PHF6: variants seen among roughly 807,000 people sequenced by gnomAD.
PHF6 encodes the protein PHD-like zinc finger protein.
In PHF6, 7 loss-of-function variants were observed where a neutral mutation model predicts 34.0. The ratio of observed to expected loss-of-function variants is 0.21; its 90% CI spans 0.12 to 0.39. The LOEUF (loss-of-function observed/expected upper bound fraction) is 0.39, where lower values mean the gene tolerates loss of function less well. Among genes scored for constraint, PHF6 ranks in the 10% least tolerant of loss-of-function variants. The pLI is 1.00. For missense variants in PHF6, 128 were observed against 262.8 expected, an observed-to-expected ratio of 0.49 and a Z score of 3.55; for synonymous variants, 89 against 88.4, an observed-to-expected ratio of 1.01 and a Z score of -0.04.
intron 5 of PHF6, among the ~76,000 whole-genome samples, chrX:134,398,107 A>G (rs1194767764): frequency 8.9e-6 from 1 of 111,964 alleles, no homozygotes; most frequent in Non-Finnish European, 1.9e-5. Flanking sequence ...TAAAAGATAG[A>G]TAGAGGCAGG....
chrX:134,385,863 G>T (rs1261296637), intron 3 of PHF6, among the ~76,000 whole-genome samples: 2 of 111,384 alleles, frequency 1.8e-5, no homozygotes, highest in South Asian at 3.8e-4. Context: ...ATTTGTCAAG[G>T]CCCCATATAG....
At chrX:134,406,106 CTTTCTTTTT>C (rs2077423495) in intron 5 of PHF6, among the ~76,000 whole-genome samples, 1 of 83,275 alleles carries the variant, frequency 1.2e-5, no homozygotes, top group African/African-American at 5.7e-5. Context: ...TTCTTTCTTT[CTTTCTTTTT>C]TTTTTTACTC....
rs1322013526 is a variant in PHF6, at chrX:134,417,867, C to CA, written c.968+575dup. 2.5e-3 allele frequency: 266 copies of CA among 105,029 alleles called. 1 individual carries two copies. Among genetic ancestry groups the CA allele is most frequent in the Admixed American group, 5.4e-3 (53 of 9,808 alleles). The allele number at this position is 105,029 out of a possible 1,213,427, so 8.7% of individuals were successfully genotyped here. ...AGAGTGAAATTCCATCTCAAACAAA[C>CA]AAAAAAAAAACACTACATATACTCT... On this transcript the variant is annotated intron_variant, in intron 9 of 10. Transcript: ENST00000370803.
intron 5 of PHF6, among the ~76,000 whole-genome samples, chrX:134,396,519 C>A (rs373775718): frequency 1.8e-5 from 2 of 111,216 alleles, no homozygotes; most frequent in African/African-American, 6.5e-5. Context: ...CTGTAACTGG[C>A]AGCATTATTA....
rs750902043 is a variant in PHF6, at chrX:134,427,036, G to A, written c.*1376G>A. 6.3e-6 allele frequency: 1 copy of A among 158,591 alleles called. No homozygotes were observed. Among genetic ancestry groups the A allele is most frequent in the South Asian group, 3.6e-4 (1 of 2,782 alleles). 13.1% of individuals were successfully genotyped at this position (158,591 alleles called of 1,213,427 possible). A position where few individuals can be genotyped will look rare whatever the true frequency, so the allele number is the denominator to read the frequency against. On this transcript the variant is annotated 3_prime_UTR_variant, in exon 11 of 11. Transcript: ENST00000370803. ...CAGCATTTTAAAAATGTAACAGGTG[G>A]AAAATTACACTGTGCTTAATGACTG... is the stretch of plus-strand genomic sequence containing the variant.
intron 9 of PHF6, among the ~76,000 whole-genome samples, 185 bp from the exon 10 acceptor site, chrX:134,425,016 A>C (rs1271023525): frequency 3.6e-5 from 4 of 111,718 alleles, no homozygotes; most frequent in African/African-American, 6.5e-5. Context: ...TTATTATCTC[A>C]ATAATAGTGT....
chrX:134,419,524 T>C (rs940007599), intron 9 of PHF6: 16 of 111,750 alleles, frequency 1.4e-4, no homozygotes, highest in African/African-American at 4.9e-4. Flanking sequence ...AAGTAACGAG[T>C]GCTCTTGGTA....
chrX:134,398,711 G>A (rs753041547), intron 5 of PHF6, among the ~76,000 whole-genome samples: 9 of 111,828 alleles, frequency 8.0e-5, no homozygotes, highest in Admixed American at 1.9e-4. Flanking sequence ...GGTTTCTGGC[G>A]TATCCAAATG....
chrX:134,385,643 CCT>C (rs1457880495), intron 3 of PHF6, among the ~76,000 whole-genome samples: 2 of 111,995 alleles, frequency 1.8e-5, no homozygotes, highest in Non-Finnish European at 3.8e-5. Flanking sequence ...GCACAAAATT[CCT>C]CTCTTTTGGT....
chrX:134,407,924 A>ATTTTCAC (rs1422653823), intron 5 of PHF6, among the ~76,000 whole-genome samples: 1 of 111,012 alleles, frequency 9.0e-6, no homozygotes, highest in Non-Finnish European at 1.9e-5. Context: ...TGAAAGGAAG[A>ATTTTCAC]TTTTCACTTT....
At chrX:134,404,951 A>G (rs889344557) in intron 5 of PHF6, among the ~76,000 whole-genome samples, 1 of 112,014 alleles carries the variant, frequency 8.9e-6, no homozygotes, top group Non-Finnish European at 1.9e-5. Context: ...AAATGAAAAG[A>G]TTCATGTGAT....
chrX:134,409,077 T>G (rs1157354037), intron 5 of PHF6, among the ~76,000 whole-genome samples: 1 of 112,198 alleles, frequency 8.9e-6, no homozygotes, highest in Non-Finnish European at 1.9e-5. Flanking sequence ...TAATTTTTAG[T>G]CAAATATCCC....
intron 5 of PHF6, among the ~76,000 whole-genome samples, chrX:134,395,949 A>C (rs1280401479): frequency 1.8e-5 from 2 of 112,282 alleles, no homozygotes; most frequent in East Asian, 5.5e-4. Context: ...ATTGAATTGG[A>C]AAATCCTTTG....
chrX:134,403,359 T>G (rs72615434), intron 5 of PHF6, among the ~76,000 whole-genome samples: 16,499 of 111,712 alleles, frequency 0.15, 1,127 homozygotes, highest in East Asian at 0.44. Flanking sequence ...AACATTCCCT[T>G]AAGCCAAAGC....
At chrX:134,399,052 G>A (rs908490060) in intron 5 of PHF6, among the ~76,000 whole-genome samples, 3 of 111,129 alleles carry the variant, frequency 2.7e-5, no homozygotes, top group Non-Finnish European at 5.7e-5. Context: ...AGAAGGATGG[G>A]CCTGCAAAGG....
chrX:134,400,232 C>T (rs1371466017), intron 5 of PHF6, among the ~76,000 whole-genome samples: 2 of 110,196 alleles, frequency 1.8e-5, no homozygotes, highest in Non-Finnish European at 3.8e-5. Flanking sequence ...GCATGTGCCA[C>T]CACACCCGGC....
intron 5 of PHF6, among the ~76,000 whole-genome samples, chrX:134,406,257 GT>G (rs1176237158): frequency 3.6e-5 from 4 of 110,565 alleles, no homozygotes; most frequent in Non-Finnish European, 7.5e-5. Flanking sequence ...GAATTTTATA[GT>G]TTACAAAGCA....
At chrX:134,408,004 T>A (rs753852439) in intron 5 of PHF6, among the ~76,000 whole-genome samples, 1 of 112,189 alleles carries the variant, frequency 8.9e-6, no homozygotes, top group African/African-American at 3.2e-5. Flanking sequence ...CTCGGCTCAC[T>A]GTAACCTCCG....
intron 9 of PHF6, among the ~76,000 whole-genome samples, chrX:134,422,814 C>G (rs1332455266): frequency 9.0e-6 from 1 of 111,261 alleles, no homozygotes; most frequent in East Asian, 2.8e-4. Flanking sequence ...AGCACCTAGA[C>G]TAGTGAAGGC....
Sources: gnomAD v4.1 joint callset for allele counts (sites outside exome capture counted in the v4.1 genomes callset) on GRCh38, gnomAD v4.1.1 for gene constraint, MANE v1.5 for transcripts, NCBI Gene and HGNC (gene_info 2026-07-23, HGNC 2026-07-21) for gene names.